The following TTN variants were observed in gnomAD, a reference collection of about 807,000 sequenced individuals.
TTN encodes connectin.
In TTN, 1,525 loss-of-function variants were observed where a neutral mutation model predicts 3,223.0. The ratio of observed to expected loss-of-function variants is 0.47; its 90% CI spans 0.45 to 0.49. The LOEUF is 0.49. TTN is among the 20% of genes least tolerant of loss of function. The pLI, the probability that TTN is intolerant of heterozygous loss-of-function variation, is 0.00. For synonymous variants in TTN, 14,094 were observed against 15,161.0 expected (o/e 0.93, Z 5.17); for missense variants, 40,786 against 43,424.0 (o/e 0.94, Z 5.40).
At position 178,542,935 on chromosome 2, in the gene TTN, C is replaced by T. The variant is rs1474585549; in HGVS notation, c.96919G>A (p.Asp32307Asn). ...GTCTTCTGAGGCATTGTAGAAAGAT[C>T]GATTGTTGGCAACACTATGGGAAAG... Reference protein sequence around the residue: ...VQDLRVLPTIDLSTMPQKTIH... With the variant: ...VQDLRVLPTINLSTMPQKTIH... Residue 32307 changes from aspartate (D) to asparagine (N), a missense_variant, in exon 348 of 363, where the codon GAT (aspartate) becomes AAT (asparagine). Asp to Asn is a conservative substitution (Grantham distance 23). Transcript: ENST00000589042. The T allele has an allele frequency of 1.1e-5, 18 of 1,600,304 alleles. No homozygotes were observed. Among genetic ancestry groups the T allele is most frequent in the South Asian group, 7.8e-5 (7 of 89,580 alleles).
chr2:178,706,106 T>G (rs1290613383), intron 102 of TTN, among the ~76,000 whole-genome samples: 1 of 152,216 alleles, frequency 6.6e-6, no homozygotes, highest in African/African-American at 2.4e-5. Context: ...GGATGGCCCA[T>G]GACTCTTGAG....
Position 178,616,627 on chromosome 2 carries a change from C to T in TTN, c.48164G>A (p.Arg16055His), listed in dbSNP as rs72677238. The T allele has an allele frequency of 1.1e-4, 173 of 1,610,764 alleles. No individual in the cohort carries two copies. The highest frequency in any genetic ancestry group is 6.6e-4 in the Middle Eastern group (4 of 6,062). ...TTTCAATTCTTTGGGTGCACTTGGG[C>T]GAGCTGAAAAAAAATGCACTCACGA... ...SGEIDVNVIA[R>H]PSAPKELKFG... is the part of the protein sequence containing the mutation. The change falls in exon 257 of 363, where the codon CGC becomes CAC. Residue 16055 changes from arginine (R) to histidine (H), a missense_variant. Physicochemically the swap from Arg to His is conservative, Grantham distance 29 (BLOSUM62 0). Transcript: ENST00000589042.
At chr2:178,685,034 G>A (rs1176365356) in intron 129 of TTN, 45 bp from the exon 130 acceptor site, 5 of 1,466,026 alleles carry the variant, frequency 3.4e-6, no homozygotes, top group Middle Eastern at 3.4e-4. Context: ...CCTTACATAT[G>A]AAGTGACACA....
At chr2:178,731,993 T>C in intron 57 of TTN, 22 bp from the exon 58 acceptor site, 1 of 1,594,090 alleles carries the variant, frequency 6.3e-7, no homozygotes, top group Non-Finnish European at 8.6e-7. Flanking sequence ...AAGGAATGAT[T>C]TGCATTAAGG....
In TTN at chr2:178,803,612, A is replaced by G. The variant is rs191074977; in HGVS notation, c.91+940T>C. On this transcript the variant is annotated intron_variant, in intron 2 of 362. Coordinates refer to ENST00000589042, the MANE Select transcript of TTN (RefSeq NM_001267550.2). ...TAATAGAAAAAAAGAGAAAAAAAGA[A>G]ATTTTATTTTATATCTTTATTATAA... Among the ~76,000 whole-genome samples the G allele has an allele frequency of 3.6e-4, 55 of 152,054 alleles. 1 individual carries two copies. Among genetic ancestry groups the G allele is most frequent in the Admixed American group, 1.1e-3 (17 of 15,290 alleles).
chr2:178,705,598 A>G (rs1465326688), intron 102 of TTN, among the ~76,000 whole-genome samples: 1 of 152,168 alleles, frequency 6.6e-6, no homozygotes, highest in Non-Finnish European at 1.5e-5. Flanking sequence ...GAAAATTTTA[A>G]GAAGGGAAAG....
At chr2:178,736,242 G>A (rs913900822) in intron 49 of TTN, among the ~76,000 whole-genome samples, 168 bp from the exon 50 acceptor site, 2 of 152,174 alleles carry the variant, frequency 1.3e-5, no homozygotes, top group Non-Finnish European at 2.9e-5. Flanking sequence ...AAAGGAAAGG[G>A]ATGAGAGTGT....
Position 178,563,496 on chromosome 2 carries a change from C to T in TTN, c.82636G>A (p.Ala27546Thr), listed in dbSNP as rs748482268. 2 of 1,613,794 alleles carry T rather than the reference C, an allele frequency of 1.2e-6. No homozygotes were observed. Among genetic ancestry groups the T allele is most frequent in the Non-Finnish European group, 8.5e-7 (1 of 1,179,764 alleles). Residue 27546 changes from alanine to threonine, a missense_variant, in exon 326 of 363, where the codon GCT becomes ACT. By Grantham distance (58) the Ala-to-Thr change is moderately conservative. Coordinates refer to ENST00000589042, the MANE Select transcript of TTN (RefSeq NM_001267550.2). This position sits in a 1 kb window ranked among gnomAD's most constrained non-coding sequence, Gnocchi z 4.5. ...TCTCCCACACCAGCTGCATTTTCAG[C>T]AGCAACTCTGAATTCATAGGAATGG... ...EGHSYEFRVA[A>T]ENAAGVGEPS...
chr2:178,609,842 C>T lies in TTN; in HGVS notation c.51581G>A (p.Trp17194Ter), dbSNP rs1553692290. ...TACCAGGTGTTCATTGCATCTCTTC[C>T]ACCTTTCTTCACCCTTAGCAATCTT... The part of the protein sequence containing the change: ...IEKIAKGEER[W>*]KRCNEHLVPI... Residue 17194 changes from tryptophan (W) to a stop codon, truncating the protein, a stop_gained, in exon 272 of 363, where the codon TGG (tryptophan) becomes TAG (stop). Transcript: ENST00000589042. LOFTEE classifies it high-confidence loss of function. 1 of 1,613,002 alleles carries T rather than the reference C, an allele frequency of 6.2e-7. No individual in the cohort carries two copies. Among genetic ancestry groups the T allele is most frequent in the Non-Finnish European group, 8.5e-7 (1 of 1,179,270 alleles).
chr2:178,560,080 A>G lies in TTN; in HGVS notation c.86052T>C (p.Thr28684=), dbSNP rs76928874. The change falls in exon 326 of 363, where the codon ACT becomes ACC. Residue 28684 remains threonine (T), a synonymous_variant. Transcript: ENST00000589042. ...KPLFDGGAPI[T]GYTVEYKKSD... ...ATTTTTTGTATTCTACAGTATATCC[A>G]GTTATCGGGGCCCCACCATCAAACA... The G allele has an allele frequency of 2.1e-4, 339 of 1,613,656 alleles. No individual in the cohort carries two copies. The East Asian group carries it at 5.7e-3, about 27-fold the overall frequency.
In TTN at chr2:178,533,040, A is replaced by T; in HGVS notation, c.103575T>A (p.Leu34525=). The T allele has an allele frequency of 6.2e-7, 1 of 1,613,736 alleles. No homozygotes were observed. The highest frequency in any genetic ancestry group is 1.1e-5 in the South Asian group (1 of 91,066). The change falls in exon 358 of 363, where the codon CTT becomes CTA. Residue 34525 remains leucine, a synonymous_variant. Coordinates refer to ENST00000589042, the MANE Select transcript of TTN (RefSeq NM_001267550.2). ...STKTVKGEFR[L]EIEEKKEERK... ...TCTCCTCCTTCTTTTCTTCTATCTC[A>T]AGTCTGAATTCCCCTTTTACAGTCT... is the stretch of plus-strand genomic sequence containing the variant.
chr2:178,643,065 G>C (rs1410200901), intron 218 of TTN, among the ~76,000 whole-genome samples: 1 of 151,840 alleles, frequency 6.6e-6, no homozygotes, highest in African/African-American at 2.4e-5. Context: ...TGCTATTATG[G>C]CCCTCATAGA....
Position 178,653,433 on chromosome 2 carries a change from C to G in TTN, c.38701G>C (p.Val12901Leu). 2 of 1,586,002 alleles carry G rather than the reference C, an allele frequency of 1.3e-6. No individual in the cohort carries two copies. Among genetic ancestry groups the G allele is most frequent in the Non-Finnish European group, 1.7e-6 (2 of 1,173,078 alleles). Residue 12901 changes from valine (V) to leucine (L), a missense_variant, in exon 197 of 363, where the codon GTT becomes CTT. By Grantham distance (32) the Val-to-Leu change is conservative. Coordinates refer to ENST00000589042, the MANE Select transcript of TTN (RefSeq NM_001267550.2). ...AAGGTCAAATGACAAGTACCTGTAA[C>G]AGGTGGAACTTCTGGCTTTTTAGGA... The part of the protein sequence containing the change: ...VLPKKPEVPP[V>L]TVPEAPKEVV...
chr2:178,725,880 G>A lies in TTN; in HGVS notation c.20442C>T (p.Phe6814=), dbSNP rs1295994751. Reference sequence around the variant, plus strand: ...CATTGAGAATGTGAATACTTGTGTGGAAGTTTTTGGATGCAATCTTGTATT... The same window carrying A: ...CATTGAGAATGTGAATACTTGTGTGAAAGTTTTTGGATGCAATCTTGTATT... The part of the protein sequence containing the change: ...SKKYKIASKN[F]HTSIHILNVD... Residue 6814 remains phenylalanine, a synonymous_variant, in exon 70 of 363, where the codon TTC becomes TTT. Transcript: ENST00000589042. 5.0e-6 allele frequency: 8 copies of A among 1,613,144 alleles called. No homozygotes were observed. The South Asian group carries it at 8.8e-5, about 18-fold the overall frequency.
chr2:178,583,699 G>C lies in TTN; in HGVS notation c.65483C>G (p.Ala21828Gly). ...EYTATGLEEK[A>G]QYQFRAIART... ...GGCAATAGCTCTAAATTGATACTGA[G>C]CTTTCTCTTCTAGGCCAGTAGCTGT... The change falls in exon 312 of 363, where the codon GCT (alanine) becomes GGT (glycine). Residue 21828 changes from alanine (A) to glycine (G), a missense_variant. Coordinates refer to ENST00000589042, the MANE Select transcript of TTN (RefSeq NM_001267550.2). The C allele has an allele frequency of 6.2e-6, 10 of 1,612,402 alleles. No individual in the cohort carries two copies. The highest frequency in any genetic ancestry group is 8.5e-6 in the Non-Finnish European group (10 of 1,179,188).
Position 178,688,182 on chromosome 2 carries a change from C to A in TTN, c.32240G>T (p.Gly10747Val). The change falls in exon 127 of 363, where the codon GGT becomes GTT. Residue 10747 changes from glycine to valine, a missense_variant. By Grantham distance (109) the Gly-to-Val change is moderately radical (BLOSUM62 -3). Transcript: ENST00000589042. ...TTCTCTATAAACTGAAATGGACACA[C>A]CTTCCTCCTCTTCTGAGTAACTCCA... ...EEWSYSEEEE[G>V]VSISVYREEE... The A allele has an allele frequency of 6.2e-7, 1 of 1,612,938 alleles. No homozygotes were observed.
intron 75 of TTN, 39 bp from the exon 76 acceptor site, chr2:178,722,976 T>C: frequency 6.3e-7 from 1 of 1,595,988 alleles, no homozygotes; most frequent in Non-Finnish European, 8.5e-7. Flanking sequence ...CTGGAATTAA[T>C]GAATATCAAA....
Position 178,554,540 on chromosome 2 carries a change from C to T in TTN, c.88807G>A (p.Glu29603Lys), listed in dbSNP as rs777572153. 8 of 1,613,772 alleles carry T rather than the reference C, an allele frequency of 5.0e-6. No individual in the cohort carries two copies. The South Asian group carries it at 8.8e-5, about 18-fold the overall frequency. The change falls in exon 332 of 363, where the codon GAA becomes AAA. Residue 29603 changes from glutamate to lysine, a missense_variant. Coordinates refer to ENST00000589042, the MANE Select transcript of TTN (RefSeq NM_001267550.2). ...ACGGCTCGGACCCGGAAGATGTATT[C>T]ATTTCCTTTGATAATTTTGGTGGTT... ...ITTTKIIKGN[E>K]YIFRVRAVNK...
rs192584377 is a variant in TTN, at chr2:178,805,931, T to C, written c.-13-1276A>G. Among the ~76,000 whole-genome samples, 5 of 152,352 alleles carry C rather than the reference T, an allele frequency of 3.3e-5. No homozygotes were observed. In the East Asian group the frequency reaches 9.6e-4, roughly 29 times the overall value. On this transcript the variant is annotated intron_variant, in intron 1 of 362. Transcript: ENST00000589042. ...TTGCCTATCAGTTTCAGAGACATTA[T>C]GTGAAGAATTTTCTGATGCATAAAT... is the stretch of plus-strand genomic sequence containing the variant.
Sources: allele counts gnomAD v4.1 joint callset (sites outside exome capture counted in the v4.1 genomes callset), GRCh38; gene constraint gnomAD v4.1.1; non-coding constraint Gnocchi (gnomAD v3.1); transcripts MANE v1.5; gene names NCBI Gene and HGNC (gene_info 2026-07-23, HGNC 2026-07-21).